Variants in CDKAL1 observed in about 807,000 individuals in gnomAD.
CDKAL1 encodes the protein CDKAL1 threonylcarbamoyladenosine tRNA methylthiotransferase.
Under a neutral mutation model 68.2 loss-of-function variants are expected in CDKAL1, and 32 were observed. The ratio of observed to expected loss-of-function variants is 0.47; its 90% CI spans 0.35 to 0.63. The LOEUF is 0.63. CDKAL1 is among the 30% of genes least tolerant of loss of function. CDKAL1 has a pLI of 0.00. For missense variants in CDKAL1, 606 were observed against 696.7 expected, an observed-to-expected ratio of 0.87 and a Z score of 1.47; for synonymous variants, 234 against 244.3, an observed-to-expected ratio of 0.96 and a Z score of 0.39.
At chr6:21,012,724 C>T (rs1035378205) in intron 11 of CDKAL1, among the ~76,000 whole-genome samples, 7 of 152,274 alleles carry the variant, frequency 4.6e-5, no homozygotes, top group East Asian at 1.9e-4. Flanking sequence ...GTGAGGGATA[C>T]GCCTTAGTCC....
At chr6:20,826,523 T>C (rs1313726775) in intron 8 of CDKAL1, among the ~76,000 whole-genome samples, 1 of 152,142 alleles carries the variant, frequency 6.6e-6, no homozygotes, top group Non-Finnish European at 1.5e-5. Flanking sequence ...GGCACACGAG[T>C]GTCTGACTCG....
intron 12 of CDKAL1, among the ~76,000 whole-genome samples, chr6:21,078,130 C>T (rs1772174156): frequency 6.6e-6 from 1 of 152,160 alleles, no homozygotes; most frequent in African/African-American, 2.4e-5. Context: ...GATTTCTCAC[C>T]TCCAGAACTA....
chr6:20,854,117 C>A (rs987946887), intron 9 of CDKAL1, among the ~76,000 whole-genome samples: 1 of 152,068 alleles, frequency 6.6e-6, no homozygotes, highest in Admixed American at 6.5e-5. Flanking sequence ...AGATCCCCTC[C>A]TAGTTTAGGA....
At chr6:20,613,387 G>T (rs1186000635) in intron 4 of CDKAL1, among the ~76,000 whole-genome samples, 1 of 147,292 alleles carries the variant, frequency 6.8e-6, no homozygotes, top group Non-Finnish European at 1.5e-5. Context: ...TGATTCTCGT[G>T]TCTTGGCCTC....
chr6:20,702,982 T>C (rs1237316074), intron 5 of CDKAL1, among the ~76,000 whole-genome samples: 1 of 152,182 alleles, frequency 6.6e-6, no homozygotes, highest in Non-Finnish European at 1.5e-5. Flanking sequence ...TGCTTCTAAT[T>C]GGGTATAGAG....
At chr6:20,977,004 T>C (rs1765876919) in intron 10 of CDKAL1, among the ~76,000 whole-genome samples, 1 of 152,190 alleles carries the variant, frequency 6.6e-6, no homozygotes, top group Non-Finnish European at 1.5e-5. Flanking sequence ...TCATTTCTCT[T>C]GAATATTCCT....
intron 8 of CDKAL1, among the ~76,000 whole-genome samples, chr6:20,816,125 C>T (rs1415830621): frequency 1.2e-5 from 1 of 83,458 alleles, no homozygotes; most frequent in Admixed American, 1.1e-4. Context: ...ATATGTCCCC[C>T]CCCCCGCCTT....
chr6:21,000,234 CA>C lies in CDKAL1; in HGVS notation c.922del (p.Ile308SerfsTer26). 6.2e-7 allele frequency: 1 copy of C among 1,607,238 alleles called. No homozygotes were observed. ...TCCTTCCATTTTTTTAAGGAAATGG[CA>C]AAAATCCTTAATCACCCCAGAGTCT... The part of the protein sequence containing the change: ...PYILEHLEEM[A>X]KILNHPRVYA... On this transcript the variant is annotated frameshift_variant, in exon 11 of 16. Coordinates refer to ENST00000274695, the MANE Select transcript of CDKAL1 (RefSeq NM_017774.3). LOFTEE classifies it high-confidence loss of function.
At chr6:20,612,913 C>CA (rs1462188875) in intron 4 of CDKAL1, among the ~76,000 whole-genome samples, 12 of 151,362 alleles carry the variant, frequency 7.9e-5, no homozygotes, top group Non-Finnish European at 1.2e-4. Flanking sequence ...AAAACCCATA[C>CA]AGTAAGTAAT....
chr6:20,828,013 C>T (rs1183038476), intron 8 of CDKAL1, among the ~76,000 whole-genome samples: 1 of 152,060 alleles, frequency 6.6e-6, no homozygotes, highest in African/African-American at 2.4e-5. Flanking sequence ...CAGCAGATCT[C>T]TTGTTCTGTC....
chr6:20,907,226 C>T (rs1040920138), intron 9 of CDKAL1, among the ~76,000 whole-genome samples: 1 of 152,036 alleles, frequency 6.6e-6, no homozygotes, highest in Non-Finnish European at 1.5e-5. Flanking sequence ...TTAAGATGAC[C>T]AGCCTGGGCA....
intron 8 of CDKAL1, among the ~76,000 whole-genome samples, chr6:20,838,159 C>A (rs1038479198): frequency 2.0e-5 from 3 of 151,830 alleles, no homozygotes; most frequent in African/African-American, 7.3e-5. Context: ...ATATATCTTA[C>A]ATGGCAGAAT....
intron 8 of CDKAL1, among the ~76,000 whole-genome samples, chr6:20,807,793 T>C (rs531679702): frequency 3.3e-5 from 5 of 152,374 alleles, no homozygotes; most frequent in South Asian, 2.1e-4. Flanking sequence ...GCAAGCTCTT[T>C]ATTGCCTTCC....
intron 5 of CDKAL1, among the ~76,000 whole-genome samples, chr6:20,694,062 A>ATGTGTG (rs55981799): frequency 4.0e-4 from 52 of 129,062 alleles, no homozygotes; most frequent in African/African-American, 1.3e-3. Flanking sequence ...GTGTGTGTGT[A>ATGTGTG]TGTGTGTGTG....
intron 4 of CDKAL1, among the ~76,000 whole-genome samples, chr6:20,622,146 T>G (rs1767223531): frequency 6.6e-6 from 1 of 152,138 alleles, no homozygotes. Flanking sequence ...GCAGCTTTAT[T>G]CTTTACCTTT....
intron 5 of CDKAL1, among the ~76,000 whole-genome samples, chr6:20,670,833 C>G (rs1769778159): frequency 6.6e-6 from 1 of 152,142 alleles, no homozygotes; most frequent in Admixed American, 6.5e-5. Context: ...AACCTGGGAA[C>G]TCTGCATCAG....
chr6:21,128,586 G>A (rs559805677), intron 13 of CDKAL1, among the ~76,000 whole-genome samples: 1 of 152,162 alleles, frequency 6.6e-6, no homozygotes, highest in Non-Finnish European at 1.5e-5. Context: ...GGCTGAAGAC[G>A]CCTCAGAATG....
intron 12 of CDKAL1, among the ~76,000 whole-genome samples, chr6:21,073,291 T>C (rs1410523322): frequency 6.6e-6 from 1 of 152,206 alleles, no homozygotes. Flanking sequence ...AACATCCACG[T>C]GCAGGTTTTT....
In CDKAL1 at chr6:20,548,697, A is replaced by C; in HGVS notation, c.278A>C (p.Lys93Thr). 2 of 1,422,486 alleles carry C rather than the reference A, an allele frequency of 1.4e-6. No homozygotes were observed. The highest frequency in any genetic ancestry group is 2.0e-6 in the Non-Finnish European group (2 of 1,013,546). The allele number at this position is 1,422,486 out of a possible 1,614,324, so 88.1% of individuals were successfully genotyped here. A position where few individuals can be genotyped will look rare whatever the true frequency, so the allele number is the denominator to read the frequency against. Residue 93 changes from lysine to threonine, a missense_variant, in exon 4 of 16, where the codon AAA becomes ACA. Transcript: ENST00000274695. ...MAGQLAAYGY[K>T]ITENASDADL... is the part of the protein sequence containing the mutation. ...GGACAGCTAGCTGCTTATGGCTATA[A>C]AATTACAGGTAATGAGATCTATAAT...
Sources: gnomAD v4.1 joint callset for allele counts (sites outside exome capture counted in the v4.1 genomes callset) on GRCh38, gnomAD v4.1.1 for gene constraint, MANE v1.5 for transcripts, NCBI Gene and HGNC (gene_info 2026-07-23, HGNC 2026-07-21) for gene names.